Variants in INPP4B observed in about 807,000 individuals in gnomAD.
INPP4B encodes inositol polyphosphate-4-phosphatase type II B, also known as inositol polyphosphate 4-phosphatase type II.
A neutral mutation model predicts 122.5 loss-of-function variants in INPP4B; 55 were observed. That is an observed-to-expected ratio of 0.45 (90% CI 0.36 to 0.56). The LOEUF (loss-of-function observed/expected upper bound fraction) is 0.56, where lower values mean the gene tolerates loss of function less well. Among genes scored for constraint, INPP4B ranks in the 20% least tolerant of loss-of-function variants. INPP4B has a pLI of 0.00. For synonymous variants in INPP4B, 403 were observed against 388.7 expected (o/e 1.04, Z -0.43); for missense variants, 1,000 against 1,097.7 (o/e 0.91, Z 1.26).
intron 23 of INPP4B, among the ~76,000 whole-genome samples, chr4:142,086,839 A>C (rs954384521): frequency 2.0e-5 from 3 of 152,222 alleles, no homozygotes; most frequent in African/African-American, 7.2e-5. Flanking sequence ...ATTTTGGACA[A>C]AGATGTTGGC....
intron 7 of INPP4B, among the ~76,000 whole-genome samples, chr4:142,337,031 T>C (rs2646090): frequency 0.3 from 45,008 of 151,796 alleles, 8,293 homozygotes; most frequent in South Asian, 0.44. Flanking sequence ...CAGTGTGGGT[T>C]TTCTTTTTCT....
At chr4:142,427,877 G>A (rs904825635) in intron 5 of INPP4B, among the ~76,000 whole-genome samples, 1 of 151,814 alleles carries the variant, frequency 6.6e-6, no homozygotes, top group Non-Finnish European at 1.5e-5. Context: ...TTGCTCTTCA[G>A]CTCCATTTCC....
Position 142,028,009 on chromosome 4 carries a change from G to T in INPP4B, c.*773C>A, listed in dbSNP as rs1461301318. ...GAATTTTCATTTTGGGTATCAAAATGTTGTTCATTTTTATTTTATTTGTAA... is the reference window on the plus strand; with the variant it reads ...GAATTTTCATTTTGGGTATCAAAATTTTGTTCATTTTTATTTTATTTGTAA... On this transcript the variant is annotated 3_prime_UTR_variant, in exon 26 of 26. Coordinates refer to ENST00000262992, the MANE Select transcript of INPP4B (RefSeq NM_001101669.3). The T allele has an allele frequency of 9.8e-6, 2 of 203,846 alleles. No individual in the cohort carries two copies. Among genetic ancestry groups the T allele is most frequent in the Non-Finnish European group, 2.0e-5 (2 of 99,386 alleles). 12.6% of individuals were successfully genotyped at this position (203,846 alleles called of 1,614,324 possible).
Position 142,806,768 on chromosome 4 carries a change from AAAGAAAGAAAGAAAGAAG to A in INPP4B, c.-254+39423_-254+39440del, listed in dbSNP as rs1283148413. ...AAAAAAAAGAAGAAGAAGAAAGAAG[AAAGAAAGAAAGAAAGAAG>A]GAAAGAAAGAAAGAAAGAAAGAAAG... is the stretch of plus-strand genomic sequence containing the variant. On this transcript the variant is annotated intron_variant, in intron 1 of 25. Transcript: ENST00000262992. Among the ~76,000 whole-genome samples the A allele has an allele frequency of 9.5e-3, 726 of 76,340 alleles. 11 individuals are homozygous for A. Among genetic ancestry groups the A allele is most frequent in the South Asian group, 0.032 (56 of 1,758 alleles). 50.1% of individuals were successfully genotyped at this position (76,340 alleles called of 152,430 possible).
intron 15 of INPP4B, among the ~76,000 whole-genome samples, chr4:142,187,593 A>C (rs1833733401): frequency 6.6e-6 from 1 of 151,930 alleles, no homozygotes; most frequent in Non-Finnish European, 1.5e-5. Context: ...ACACACACAG[A>C]CACACATTTT....
intron 11 of INPP4B, among the ~76,000 whole-genome samples, chr4:142,248,997 G>A (rs942789169): frequency 6.6e-6 from 1 of 151,798 alleles, no homozygotes; most frequent in Non-Finnish European, 1.5e-5. Flanking sequence ...TTACAATCTA[G>A]TATCTTCTTC....
intron 2 of INPP4B, among the ~76,000 whole-genome samples, chr4:142,575,039 G>A (rs536669467): frequency 6.6e-6 from 1 of 152,072 alleles, no homozygotes; most frequent in Non-Finnish European, 1.5e-5. Flanking sequence ...TATCCAACAA[G>A]AGCACTGTGA....
chr4:142,316,513 T>C (rs184894087), intron 7 of INPP4B, among the ~76,000 whole-genome samples: 1 of 146,310 alleles, frequency 6.8e-6, no homozygotes, highest in East Asian at 2.3e-4. Flanking sequence ...TACATATTAG[T>C]ATAAAGTGCT....
At chr4:142,748,153 A>G (rs1769075840) in intron 1 of INPP4B, among the ~76,000 whole-genome samples, 2 of 152,276 alleles carry the variant, frequency 1.3e-5, no homozygotes, top group South Asian at 4.1e-4. Context: ...CCCACTTCTA[A>G]ATAACCCATA....
chr4:142,508,865 A>T (rs528964091), intron 2 of INPP4B, among the ~76,000 whole-genome samples: 3 of 152,304 alleles, frequency 2.0e-5, no homozygotes, highest in East Asian at 3.9e-4. Flanking sequence ...TAAACATTTT[A>T]AAATGCACAG....
At position 142,404,719 on chromosome 4, in the gene INPP4B, GT is replaced by G. The variant is rs147569838; in HGVS notation, c.255+486del. On this transcript the variant is annotated intron_variant, in intron 6 of 25. Transcript: ENST00000262992. ...ACAGACAAACAACAGAGAATATAAA[GT>G]TTCCACAGACTAAAGAATACCGGGG... is the stretch of plus-strand genomic sequence containing the variant. Among the ~76,000 whole-genome samples, 135 of 152,114 alleles carry G rather than the reference GT, an allele frequency of 8.9e-4. 3 individuals carry two copies. The East Asian group carries it at 0.024, about 27-fold the overall frequency.
chr4:142,534,849 ATC>A (rs1828007824), intron 2 of INPP4B, among the ~76,000 whole-genome samples: 2 of 151,952 alleles, frequency 1.3e-5, no homozygotes. Context: ...TAAGAAGAAA[ATC>A]TGCATGTATT....
intron 7 of INPP4B, among the ~76,000 whole-genome samples, chr4:142,369,161 T>C (rs1345853339): frequency 6.6e-6 from 1 of 152,138 alleles, no homozygotes; most frequent in Non-Finnish European, 1.5e-5. Context: ...GCTGCACTCT[T>C]GGGGTTTTGA....
intron 15 of INPP4B, among the ~76,000 whole-genome samples, chr4:142,186,948 T>A (rs563269219): frequency 3.0e-4 from 46 of 152,312 alleles, no homozygotes; most frequent in Admixed American, 9.8e-4. Context: ...TTTGGTGTTA[T>A]ATACAAGGAG....
intron 11 of INPP4B, among the ~76,000 whole-genome samples, chr4:142,259,672 G>C (rs960107606): frequency 1.3e-5 from 2 of 151,534 alleles, no homozygotes; most frequent in African/African-American, 4.8e-5. Context: ...TTAACTTTTT[G>C]ACACTTTTAA....
intron 9 of INPP4B, among the ~76,000 whole-genome samples, chr4:142,305,216 A>G (rs1762897836): frequency 6.6e-6 from 1 of 152,192 alleles, no homozygotes; most frequent in South Asian, 2.1e-4. Context: ...CATCACTTTA[A>G]TGATAATGTA....
At chr4:142,831,505 T>C (rs147509187) in intron 1 of INPP4B, among the ~76,000 whole-genome samples, 2 of 152,334 alleles carry the variant, frequency 1.3e-5, no homozygotes, top group African/African-American at 4.8e-5. Context: ...ATCTGGTAAT[T>C]TCTCTGCAAA....
At chr4:142,256,402 T>C (rs1006732064) in intron 11 of INPP4B, among the ~76,000 whole-genome samples, 80 of 151,874 alleles carry the variant, frequency 5.3e-4, no homozygotes, top group African/African-American at 1.7e-3. Context: ...TTCAAAAAAT[T>C]AATGAATCCA....
At chr4:142,373,263 C>A (rs1579880121) in intron 7 of INPP4B, among the ~76,000 whole-genome samples, 1 of 151,916 alleles carries the variant, frequency 6.6e-6, no homozygotes, top group Non-Finnish European at 1.5e-5. Context: ...AATAGAGTAA[C>A]AACATTTGAC....
Sources: allele counts gnomAD v4.1 joint callset (sites outside exome capture counted in the v4.1 genomes callset), GRCh38; gene constraint gnomAD v4.1.1; transcripts MANE v1.5; gene names NCBI Gene and HGNC (gene_info 2026-07-23, HGNC 2026-07-21).